Variants in CCSER1 observed in about 807,000 individuals in gnomAD.
The protein encoded by CCSER1 is serine-rich coiled-coil domain-containing protein 1.
A neutral mutation model predicts 82.0 loss-of-function variants in CCSER1; 41 were observed. That is an observed-to-expected ratio of 0.50 (90% CI 0.39 to 0.65). The LOEUF is 0.65. Among genes scored for constraint, CCSER1 ranks in the 30% least tolerant of loss-of-function variants. CCSER1 has a pLI of 0.00. For missense variants in CCSER1, 1,119 were observed against 1,064.2 expected (o/e 1.05, Z -0.72); for synonymous variants, 414 against 383.9 (o/e 1.08, Z -0.92).
chr4:90,537,568 C>A (rs145261017), intron 5 of CCSER1, among the ~76,000 whole-genome samples: 1 of 151,846 alleles, frequency 6.6e-6, no homozygotes, highest in South Asian at 2.1e-4. Context: ...GTCTTATTTG[C>A]GTATATTTAA....
chr4:90,551,621 G>A (rs1406237059), intron 5 of CCSER1, among the ~76,000 whole-genome samples: 5 of 150,248 alleles, frequency 3.3e-5, no homozygotes, highest in Admixed American at 1.3e-4. Context: ...AAAGAATTTT[G>A]TGCTTCTATT....
At chr4:91,580,945 A>G (rs1033513528) in intron 10 of CCSER1, among the ~76,000 whole-genome samples, 1 of 151,712 alleles carries the variant, frequency 6.6e-6, no homozygotes, top group African/African-American at 2.4e-5. Context: ...CCAAAATTAT[A>G]TAACCTTTAA....
intron 4 of CCSER1, among the ~76,000 whole-genome samples, chr4:90,462,998 C>T (rs543164206): frequency 6.6e-6 from 1 of 152,072 alleles, no homozygotes; most frequent in Admixed American, 6.5e-5. Flanking sequence ...GCTTAGAACC[C>T]AAAGTATTTG....
chr4:90,496,292 T>A, intron 5 of CCSER1, among the ~76,000 whole-genome samples: 1 of 152,168 alleles, frequency 6.6e-6, no homozygotes, highest in East Asian at 1.9e-4. Context: ...TGTGACAGAT[T>A]TATTTAAAAA....
chr4:90,460,545 A>C (rs1212193058), intron 4 of CCSER1, among the ~76,000 whole-genome samples: 1 of 151,978 alleles, frequency 6.6e-6, no homozygotes, highest in Non-Finnish European at 1.5e-5. Context: ...GTTTTGTCTG[A>C]GTTTCCAGGG....
chr4:91,478,773 A>T lies in CCSER1; in HGVS notation c.2218-119799A>T, dbSNP rs1013081085. ...ATATTTCTATACCTACTTTATATATACCACAAGAGACCTACTTATTCAGTC... is the reference window on the plus strand; with the variant it reads ...ATATTTCTATACCTACTTTATATATTCCACAAGAGACCTACTTATTCAGTC... On this transcript the variant is annotated intron_variant, in intron 10 of 10. Coordinates refer to ENST00000509176, the MANE Select transcript of CCSER1 (RefSeq NM_001145065.2). Among the ~76,000 whole-genome samples the T allele has an allele frequency of 2.6e-5, 4 of 151,986 alleles. No homozygotes were observed. The South Asian group carries it at 8.3e-4, about 32-fold the overall frequency.
At chr4:91,490,904 ATATATATATATATATATATATAT>A (rs1560712405) in intron 10 of CCSER1, among the ~76,000 whole-genome samples, 1 of 77,732 alleles carries the variant, frequency 1.3e-5, no homozygotes, top group African/African-American at 5.8e-5. Context: ...ATATATATAT[ATATATATATATATATATATATAT>A]AAAATATGCG....
At chr4:91,034,310 C>T (rs1189196056) in intron 9 of CCSER1, among the ~76,000 whole-genome samples, 1 of 152,052 alleles carries the variant, frequency 6.6e-6, no homozygotes, top group African/African-American at 2.4e-5. Flanking sequence ...ACTTTTTACC[C>T]AAAATGCCAC....
intron 1 of CCSER1, among the ~76,000 whole-genome samples, chr4:90,228,717 C>T (rs571394778): frequency 6.6e-6 from 1 of 152,266 alleles, no homozygotes; most frequent in African/African-American, 2.4e-5. Flanking sequence ...AAGTTGAAAA[C>T]TTTGAGAAAA....
intron 1 of CCSER1, among the ~76,000 whole-genome samples, chr4:90,284,994 A>C (rs2153462570): frequency 6.6e-6 from 1 of 152,080 alleles, no homozygotes; most frequent in East Asian, 1.9e-4. Context: ...CAATTGGTCT[A>C]CATGTTTGTT....
At chr4:91,177,072 A>G (rs1733468097) in intron 10 of CCSER1, among the ~76,000 whole-genome samples, 1 of 152,142 alleles carries the variant, frequency 6.6e-6, no homozygotes, top group Admixed American at 6.5e-5. Context: ...ATCTATTGAG[A>G]TAATCATGTG....
chr4:91,379,944 G>T (rs1750743013), intron 10 of CCSER1, among the ~76,000 whole-genome samples: 2 of 152,112 alleles, frequency 1.3e-5, no homozygotes, highest in Non-Finnish European at 2.9e-5. Flanking sequence ...CTGGTATGTT[G>T]TGTGTTTGTT....
intron 1 of CCSER1, among the ~76,000 whole-genome samples, chr4:90,226,017 C>A (rs1192789550): frequency 6.6e-6 from 1 of 152,180 alleles, no homozygotes. Context: ...GACCCCTAGG[C>A]CATCATGCAA....
chr4:90,480,661 C>T (rs1270079423), intron 5 of CCSER1, among the ~76,000 whole-genome samples: 3 of 152,116 alleles, frequency 2.0e-5, no homozygotes, highest in African/African-American at 7.2e-5. Flanking sequence ...TTGTTTTTGT[C>T]AGGTTTGTCA....
At chr4:91,460,021 T>C (rs1051369560) in intron 10 of CCSER1, among the ~76,000 whole-genome samples, 4 of 152,160 alleles carry the variant, frequency 2.6e-5, no homozygotes, top group African/African-American at 4.8e-5. Flanking sequence ...AAGGGAAATA[T>C]GTAGCCCTTC....
intron 1 of CCSER1, among the ~76,000 whole-genome samples, chr4:90,162,608 T>G (rs1729667901): frequency 6.6e-6 from 1 of 152,016 alleles, no homozygotes. Flanking sequence ...AAAAAAAAGT[T>G]AAGACATCAA....
chr4:91,507,125 T>A (rs920604731), intron 10 of CCSER1, among the ~76,000 whole-genome samples: 2 of 152,192 alleles, frequency 1.3e-5, no homozygotes, highest in Non-Finnish European at 2.9e-5. Context: ...GATATATGTC[T>A]TCTTATGTCT....
At chr4:90,593,898 T>C (rs1783000390) in intron 5 of CCSER1, among the ~76,000 whole-genome samples, 1 of 152,052 alleles carries the variant, frequency 6.6e-6, no homozygotes. Context: ...CACACTAATA[T>C]ATTCAAAATG....
intron 7 of CCSER1, among the ~76,000 whole-genome samples, chr4:90,764,829 A>G (rs1750957947): frequency 6.6e-6 from 1 of 152,142 alleles, no homozygotes; most frequent in Non-Finnish European, 1.5e-5. Flanking sequence ...TAACTTAGAT[A>G]TTGGTAGCAG....
Sources: allele counts gnomAD v4.1 joint callset (sites outside exome capture counted in the v4.1 genomes callset), GRCh38; gene constraint gnomAD v4.1.1; transcripts MANE v1.5; gene names NCBI Gene and HGNC (gene_info 2026-07-23, HGNC 2026-07-21).